OR2H1: variants seen among roughly 807,000 people sequenced by gnomAD.
OR2H1 encodes olfactory receptor family 2 subfamily H member 1, also known as olfactory receptor 2H1.
For synonymous variants in OR2H1, 155 were observed against 155.2 expected, an observed-to-expected ratio of 1.00 and a Z score of 0.01; for missense variants, 380 against 367.3, an observed-to-expected ratio of 1.03 and a Z score of -0.28.
Position 29,462,150 on chromosome 6 carries a change from C to T in OR2H1, c.381C>T (p.Pro127=). The change falls in exon 4 of 4, where the codon CCC becomes CCT. Residue 127 remains proline (P), a synonymous_variant. Coordinates refer to ENST00000377133, the MANE Select transcript of OR2H1 (RefSeq NM_030883.5). ...ACCGATACGTGGCTGTCTGCCAGCC[C>T]CTCCACTATGCCACCATCATCCACC... ...AFDRYVAVCQ[P]LHYATIIHPR... is the part of the protein sequence containing the mutation. The T allele has an allele frequency of 6.2e-7, 1 of 1,613,684 alleles. No individual in the cohort carries two copies. Among genetic ancestry groups the T allele is most frequent in the Middle Eastern group, 1.7e-4 (1 of 6,060 alleles).
chr6:29,461,175 TACAC>T (rs925371959), intron 3 of OR2H1: 1 of 152,432 alleles, frequency 6.6e-6, no homozygotes, highest in Admixed American at 6.5e-5. Context: ...GTGGAGTTAA[TACAC>T]ACAGCGGAGA....
At chr6:29,460,899 C>T (rs1263797026) in intron 3 of OR2H1, 7 of 151,942 alleles carry the variant, frequency 4.6e-5, no homozygotes, top group Non-Finnish European at 7.4e-5. Flanking sequence ...TCTACTTAAA[C>T]GTCCCAATAT....
At position 29,462,678 on chromosome 6, in the gene OR2H1, A is replaced by G; in HGVS notation, c.909A>G (p.Leu303=). 1 of 1,612,994 alleles carries G rather than the reference A, an allele frequency of 6.2e-7. No individual in the cohort carries two copies. The highest frequency in any genetic ancestry group is 8.5e-7 in the Non-Finnish European group (1 of 1,179,982). The part of the protein sequence containing the change: ...KEIKRALRRL[L]GKERDSRESW... ...TAAAGCGAGCACTCAGGAGGTTACT[A>G]GGGAAGGAAAGAGACTCCAGGGAAA... Residue 303 remains leucine (L), a synonymous_variant, in exon 4 of 4, where the codon CTA becomes CTG. Coordinates refer to ENST00000377133, the MANE Select transcript of OR2H1 (RefSeq NM_030883.5).
Position 29,459,197 on chromosome 6 carries a change from A to G in OR2H1, c.-327+628A>G, listed in dbSNP as rs118055614. Among the ~76,000 whole-genome samples, 10 of 152,332 alleles carry G rather than the reference A, an allele frequency of 6.6e-5. No individual in the cohort carries two copies. The East Asian group carries it at 1.7e-3, about 26-fold the overall frequency. On this transcript the variant is annotated intron_variant, in intron 2 of 3. Coordinates refer to ENST00000377133, the MANE Select transcript of OR2H1 (RefSeq NM_030883.5). ...AATAAAACTCTGGACAATTGCTGAG[A>G]CACAAAAGATATGAGGCTGCAAAGT...
At chr6:29,461,334 A>G (rs1309503375) in intron 3 of OR2H1, 161 bp from the exon 4 acceptor site, 1 of 169,730 alleles carries the variant, frequency 5.9e-6, no homozygotes, top group Non-Finnish European at 1.3e-5. Flanking sequence ...GGGCAATTCT[A>G]TCAAATGATT....
At position 29,461,783 on chromosome 6, in the gene OR2H1, G is replaced by T. The variant is rs182690499; in HGVS notation, c.14G>T (p.Ser5Ile). The change falls in exon 4 of 4, where the codon AGC becomes ATC. Residue 5 changes from serine (S) to isoleucine (I), a missense_variant. Physicochemically the swap from Ser to Ile is moderately radical, Grantham distance 142. Coordinates refer to ENST00000377133, the MANE Select transcript of OR2H1 (RefSeq NM_030883.5). Reference sequence around the variant, plus strand: ...CAAGAACAGGCCATGGTTAACCAAAGCTCCCCCATGGGCTTCCTCCTTCTG... The same window carrying T: ...CAAGAACAGGCCATGGTTAACCAAATCTCCCCCATGGGCTTCCTCCTTCTG... The part of the protein sequence containing the change: MVNQ[S>I]SPMGFLLLGF... 3.8e-5 allele frequency: 61 copies of T among 1,612,424 alleles called. No individual in the cohort carries two copies. The highest frequency in any genetic ancestry group is 5.1e-5 in the Non-Finnish European group (60 of 1,179,740).
chr6:29,464,160 C>T lies in OR2H1; in HGVS notation c.*1440C>T, dbSNP rs1026734075. The T allele has an allele frequency of 3.6e-5, 6 of 167,046 alleles. No homozygotes were observed. Among genetic ancestry groups the T allele is most frequent in the African/African-American group, 1.4e-4 (6 of 41,442 alleles). 10.3% of individuals were successfully genotyped at this position (167,046 alleles called of 1,614,324 possible). A position where few individuals can be genotyped will look rare whatever the true frequency, so the allele number is the denominator to read the frequency against. On this transcript the variant is annotated 3_prime_UTR_variant, in exon 4 of 4. Coordinates refer to ENST00000377133, the MANE Select transcript of OR2H1 (RefSeq NM_030883.5). ...GAGGAAAGGAGGAACTAAAACTTAG[C>T]AAATCTATAATCACATGCAAATACA... is the stretch of plus-strand genomic sequence containing the variant.
rs1264896769 is a variant in OR2H1 at position 29,462,009 on chromosome 6, G to A, written c.240G>A (p.Leu80=). The change falls in exon 4 of 4, where the codon CTG becomes CTA. Residue 80 remains leucine (L), a synonymous_variant. Coordinates refer to ENST00000377133, the MANE Select transcript of OR2H1 (RefSeq NM_030883.5). ...CCACAAGTTGTGTCCCCCAGATGCT[G>A]GTCAACCTCTGGGGCCCAAAGAAGA... is the stretch of plus-strand genomic sequence containing the variant. ...CFTTSCVPQM[L]VNLWGPKKTI... 1.2e-6 allele frequency: 2 copies of A among 1,613,252 alleles called. No individual in the cohort carries two copies. Among genetic ancestry groups the A allele is most frequent in the African/African-American group, 2.7e-5 (2 of 74,978 alleles).
In OR2H1 at chr6:29,461,490, A is replaced by G. The variant is rs923376179; in HGVS notation, c.-275-5A>G. Reference sequence around the variant, plus strand: ...TTTACATCAGCTTTCTTTGCCCTCAACCAGGAAGTCAGAGGCACCAATGTG... The same window carrying G: ...TTTACATCAGCTTTCTTTGCCCTCAGCCAGGAAGTCAGAGGCACCAATGTG... On this transcript the variant is annotated splice_region_variant and splice_polypyrimidine_tract_variant and intron_variant, in intron 3 of 3. Coordinates refer to ENST00000377133, the MANE Select transcript of OR2H1 (RefSeq NM_030883.5). 1 of 444,246 alleles carries G rather than the reference A, an allele frequency of 2.3e-6. No individual in the cohort carries two copies. The highest frequency in any genetic ancestry group is 4.0e-6 in the Non-Finnish European group (1 of 252,928). The allele number at this position is 444,246 out of a possible 1,614,324, so 27.5% of individuals were successfully genotyped here.
intron 2 of OR2H1, 48 bp downstream of exon 2, chr6:29,458,617 C>T (rs1489374669): frequency 6.6e-6 from 1 of 152,202 alleles, no homozygotes; most frequent in Non-Finnish European, 1.5e-5. Context: ...TCCACATGTT[C>T]TTAAGACAGT....
intron 2 of OR2H1, chr6:29,459,847 C>T (rs988374874): frequency 1.2e-4 from 18 of 152,282 alleles, no homozygotes; most frequent in African/African-American, 4.1e-4. Flanking sequence ...GCCCACCCAC[C>T]CAGATTCCTC....
rs755112263 is a variant in OR2H1 at position 29,461,850 on chromosome 6, G to A, written c.81G>A (p.Val27=). The part of the protein sequence containing the change: ...EHPALERTLF[V]VVFTSYLLTL... Reference sequence around the variant, plus strand: ...CAGCACTGGAAAGGACTCTCTTTGTGGTTGTCTTCACTTCCTACCTCTTGA... The same window carrying A: ...CAGCACTGGAAAGGACTCTCTTTGTAGTTGTCTTCACTTCCTACCTCTTGA... The change falls in exon 4 of 4, where the codon GTG becomes GTA. Residue 27 remains valine (V), a synonymous_variant. Transcript: ENST00000377133. 4.3e-6 allele frequency: 7 copies of A among 1,613,010 alleles called. No homozygotes were observed. The highest frequency in any genetic ancestry group is 1.7e-5 in the Admixed American group (1 of 60,006).
Position 29,462,938 on chromosome 6 carries a change from A to G in OR2H1, c.*218A>G. On this transcript the variant is annotated 3_prime_UTR_variant, in exon 4 of 4. Coordinates refer to ENST00000377133, the MANE Select transcript of OR2H1 (RefSeq NM_030883.5). ...CATAAGGCACACAAATTCAAATATT[A>G]TCATTCCTATCACTGTCCATTCTTA... 5.2e-6 allele frequency: 3 copies of G among 578,382 alleles called. No individual in the cohort carries two copies. Among genetic ancestry groups the G allele is most frequent in the Non-Finnish European group, 9.4e-6 (3 of 318,692 alleles). 35.8% of individuals were successfully genotyped at this position (578,382 alleles called of 1,614,324 possible).
At position 29,462,176 on chromosome 6, in the gene OR2H1, C is replaced by A. The variant is rs1787359263; in HGVS notation, c.407C>A (p.Pro136His). Residue 136 changes from proline (P) to histidine (H), a missense_variant, in exon 4 of 4, where the codon CCC (proline) becomes CAC (histidine). Pro to His is a moderately conservative substitution (Grantham distance 77, BLOSUM62 -2). Coordinates refer to ENST00000377133, the MANE Select transcript of OR2H1 (RefSeq NM_030883.5). ...QPLHYATIIH[P>H]RLCWQLASVA... ...CTCCACTATGCCACCATCATCCACC[C>A]CCGCCTGTGCTGGCAGCTGGCATCT... 6.2e-7 allele frequency: 1 copy of A among 1,613,590 alleles called. No homozygotes were observed. Among genetic ancestry groups the A allele is most frequent in the Admixed American group, 1.7e-5 (1 of 60,002 alleles).
At chr6:29,458,064 G>A (rs1786671681) in intron 1 of OR2H1, among the ~76,000 whole-genome samples, 1 of 152,110 alleles carries the variant, frequency 6.6e-6, no homozygotes, top group Non-Finnish European at 1.5e-5. Flanking sequence ...TGCCTTTAAT[G>A]TCACTAAAAG....
At position 29,462,595 on chromosome 6, in the gene OR2H1, T is replaced by C. The variant is rs774270820; in HGVS notation, c.826T>C (p.Tyr276His). The change falls in exon 4 of 4, where the codon TAT (tyrosine) becomes CAT (histidine). Residue 276 changes from tyrosine (Y) to histidine (H), a missense_variant. Transcript: ENST00000377133. ...QGRGKFFGLFYAVGTPSLNPL... is the reference protein window; with the variant it reads ...QGRGKFFGLFHAVGTPSLNPL... ...GAGGGGCAAGTTCTTTGGTCTCTTC[T>C]ATGCAGTGGGCACTCCTTCACTTAA... is the stretch of plus-strand genomic sequence containing the variant. 1 of 1,613,078 alleles carries C rather than the reference T, an allele frequency of 6.2e-7. No individual in the cohort carries two copies. Among genetic ancestry groups the C allele is most frequent in the Non-Finnish European group, 8.5e-7 (1 of 1,180,022 alleles).
Position 29,462,642 on chromosome 6 carries a change from GA to G in OR2H1, c.875del (p.Asn292ThrfsTer4). The stretch of plus-strand genomic sequence containing the variant: ...TTAACCCTCTCGTATACACCCTGAG[GA>G]ACAAGGAGATAAAGCGAGCACTCAG... Reference protein sequence around the residue: ...SLNPLVYTLRNKEIKRALRRL... With the variant: ...SLNPLVYTLRXKEIKRALRRL... On this transcript the variant is annotated frameshift_variant, in exon 4 of 4. Transcript: ENST00000377133. LOFTEE classifies it low-confidence loss of function (END_TRUNC). 6.2e-7 allele frequency: 1 copy of G among 1,613,048 alleles called. No homozygotes were observed.
intron 1 of OR2H1, 68 bp downstream of exon 1, chr6:29,457,275 C>A (rs1786480075): frequency 6.6e-6 from 1 of 152,102 alleles, no homozygotes; most frequent in Non-Finnish European, 1.5e-5. Context: ...TTAAAACAAC[C>A]ACAAACCTGA....
rs1191808127 is a variant in OR2H1, at chr6:29,462,258, C to G, written c.489C>G (p.His163Gln). 1.2e-6 allele frequency: 2 copies of G among 1,613,424 alleles called. No individual in the cohort carries two copies. Among genetic ancestry groups the G allele is most frequent in the Admixed American group, 3.3e-5 (2 of 60,034 alleles). The change falls in exon 4 of 4, where the codon CAC becomes CAG. Residue 163 changes from histidine to glutamine, a missense_variant. By Grantham distance (24) the His-to-Gln change is conservative. Coordinates refer to ENST00000377133, the MANE Select transcript of OR2H1 (RefSeq NM_030883.5). Reference sequence around the variant, plus strand: ...TAGTCCAGACACCATCCACCCTCCACTTGCCCTTCTGTCCCCACCAGCAGA... The same window carrying G: ...TAGTCCAGACACCATCCACCCTCCAGTTGCCCTTCTGTCCCCACCAGCAGA... ...QSIVQTPSTL[H>Q]LPFCPHQQID... is the part of the protein sequence containing the mutation.
Sources: gnomAD v4.1 joint callset for allele counts (sites outside exome capture counted in the v4.1 genomes callset) on GRCh38, gnomAD v4.1.1 for gene constraint, MANE v1.5 for transcripts, NCBI Gene and HGNC (gene_info 2026-07-23, HGNC 2026-07-21) for gene names.